Variants in RB1CC1 observed in about 807,000 individuals in gnomAD.
The protein encoded by RB1CC1 is RB1-inducible coiled-coil protein 1.
Under a neutral mutation model 177.5 loss-of-function variants are expected in RB1CC1, and 46 were observed. That is an observed-to-expected ratio of 0.26 (90% CI 0.20 to 0.33). The LOEUF is 0.33. Ranked by LOEUF, RB1CC1 falls within the 10% of genes least tolerant of loss-of-function variation. RB1CC1 has a pLI of 1.00. For missense variants in RB1CC1, 1,703 were observed against 1,816.3 expected (o/e 0.94, Z 1.13); for synonymous variants, 666 against 613.6 (o/e 1.09, Z -1.26).
At chr8:52,624,088 T>C (rs761584628) in intron 23 of RB1CC1, among the ~76,000 whole-genome samples, 1 of 151,870 alleles carries the variant, frequency 6.6e-6, no homozygotes, top group Non-Finnish European at 1.5e-5. Context: ...AGGGAATATA[T>C]TGAGTGAATA....
intron 15 of RB1CC1, among the ~76,000 whole-genome samples, chr8:52,647,787 C>T (rs1241358956): frequency 2.0e-5 from 3 of 152,080 alleles, no homozygotes; most frequent in Non-Finnish European, 4.4e-5. Flanking sequence ...CATATAAAGT[C>T]ATTGAAAGGT....
intron 6 of RB1CC1, among the ~76,000 whole-genome samples, 185 bp from the exon 7 acceptor site, chr8:52,674,459 T>C (rs1158600936): frequency 1.3e-5 from 2 of 152,162 alleles, no homozygotes; most frequent in South Asian, 2.1e-4. Flanking sequence ...AGAGAGGCTA[T>C]CGTTAACCCA....
intron 15 of RB1CC1, among the ~76,000 whole-genome samples, chr8:52,651,079 T>C (rs997514899): frequency 7.2e-5 from 11 of 152,206 alleles, no homozygotes; most frequent in African/African-American, 2.2e-4. Context: ...TTAATATATT[T>C]TGGCAGAAAA....
intron 15 of RB1CC1, among the ~76,000 whole-genome samples, chr8:52,654,476 T>C (rs1431391771): frequency 6.6e-6 from 1 of 152,222 alleles, no homozygotes. Context: ...GAACTATCCA[T>C]TTTGTGATGC....
intron 18 of RB1CC1, 58 bp downstream of exon 18, chr8:52,642,293 C>T: frequency 6.4e-7 from 1 of 1,568,128 alleles, no homozygotes; most frequent in Admixed American, 1.8e-5. Flanking sequence ...CTCTTCAGAG[C>T]TTTATAACTC....
chr8:52,702,260 T>C (rs540684222), intron 1 of RB1CC1, among the ~76,000 whole-genome samples: 2 of 152,368 alleles, frequency 1.3e-5, no homozygotes, highest in African/African-American at 4.8e-5. Context: ...GAATAAAATA[T>C]ACCTATTCAT....
At chr8:52,632,896 A>G (rs960267576) in intron 20 of RB1CC1, among the ~76,000 whole-genome samples, 2 of 152,204 alleles carry the variant, frequency 1.3e-5, no homozygotes, top group Non-Finnish European at 2.9e-5. Context: ...ACAAATGCGT[A>G]TATGATTGCT....
At chr8:52,681,607 G>A (rs1853724450) in intron 5 of RB1CC1, among the ~76,000 whole-genome samples, 2 of 152,078 alleles carry the variant, frequency 1.3e-5, no homozygotes, top group Non-Finnish European at 2.9e-5. Context: ...CTGAAAAGAG[G>A]GCAGGCATGG....
chr8:52,701,678 T>TC (rs1856075400), intron 1 of RB1CC1, among the ~76,000 whole-genome samples: 1 of 151,776 alleles, frequency 6.6e-6, no homozygotes, highest in African/African-American at 2.4e-5. Flanking sequence ...CAGGTGTGAC[T>TC]CACCATGCTC....
chr8:52,681,479 CT>C (rs1166211013), intron 5 of RB1CC1, among the ~76,000 whole-genome samples: 1 of 152,150 alleles, frequency 6.6e-6, no homozygotes, highest in Non-Finnish European at 1.5e-5. Context: ...GAAAATCTGA[CT>C]TTAGAGACCA....
chr8:52,704,020 T>A (rs1426017061), intron 1 of RB1CC1, among the ~76,000 whole-genome samples: 1 of 152,142 alleles, frequency 6.6e-6, no homozygotes, highest in Non-Finnish European at 1.5e-5. Context: ...AATTCTCTCC[T>A]TTGTATGCCA....
At position 52,661,085 on chromosome 8, in the gene RB1CC1, A is replaced by C. The variant is rs201339636; in HGVS notation, c.1545+10T>G. 1.2e-6 allele frequency: 2 copies of C among 1,611,750 alleles called. No individual in the cohort carries two copies. Among genetic ancestry groups the C allele is most frequent in the African/African-American group, 2.7e-5 (2 of 74,812 alleles). ...TCATATACAGTTAAAATAGAATTCA[A>C]CTTGCATACCTCCCTGTAGTGTTTT... On this transcript the variant is annotated intron_variant, in intron 10 of 23. Transcript: ENST00000025008.
At position 52,661,185 on chromosome 8, in the gene RB1CC1, A is replaced by G. The variant is rs988777425; in HGVS notation, c.1455T>C (p.Ile485=). 9 of 1,613,964 alleles carry G rather than the reference A, an allele frequency of 5.6e-6. No individual in the cohort carries two copies. The highest frequency in any genetic ancestry group is 7.6e-6 in the Non-Finnish European group (9 of 1,179,892). Residue 485 remains isoleucine, a synonymous_variant, in exon 10 of 24, where the codon ATT becomes ATC. Transcript: ENST00000025008. ...GAGGAACTGTACTAAGAGCTTCAACAATTTTGACTCTTTCTAACAGCTCTA... is the reference window on the plus strand; with the variant it reads ...GAGGAACTGTACTAAGAGCTTCAACGATTTTGACTCTTTCTAACAGCTCTA... The part of the protein sequence containing the change: ...LVIELLERVK[I]VEALSTVPQM...
At chr8:52,677,712 G>A (rs527262229) in intron 5 of RB1CC1, among the ~76,000 whole-genome samples, 3 of 152,164 alleles carry the variant, frequency 2.0e-5, no homozygotes, top group African/African-American at 7.2e-5. Context: ...GTCTTTATGG[G>A]GTAGGAATGT....
intron 1 of RB1CC1, among the ~76,000 whole-genome samples, chr8:52,709,318 A>C (rs1856859883): frequency 6.6e-6 from 1 of 152,244 alleles, no homozygotes; most frequent in African/African-American, 2.4e-5. Context: ...AGAACCAGAA[A>C]GTATCTCACA....
intron 1 of RB1CC1, among the ~76,000 whole-genome samples, chr8:52,707,236 C>T (rs532613444): frequency 6.6e-6 from 1 of 152,152 alleles, no homozygotes. Context: ...GATCTCTGTT[C>T]TGAGTTTAGA....
chr8:52,653,692 AT>A (rs1444842087), intron 15 of RB1CC1, among the ~76,000 whole-genome samples: 1 of 152,190 alleles, frequency 6.6e-6, no homozygotes, highest in Non-Finnish European at 1.5e-5. Context: ...CTTATCGGAA[AT>A]GCTTGGCAGC....
intron 22 of RB1CC1, among the ~76,000 whole-genome samples, chr8:52,626,242 C>G (rs77366320): frequency 0.029 from 4,451 of 152,188 alleles, 247 homozygotes; most frequent in African/African-American, 0.1. Flanking sequence ...AAAAAAGGAA[C>G]GGGGGTTTAT....
chr8:52,697,209 A>G (rs1855496514), intron 1 of RB1CC1, among the ~76,000 whole-genome samples: 1 of 152,080 alleles, frequency 6.6e-6, no homozygotes, highest in African/African-American at 2.4e-5. Flanking sequence ...GAGTATAAAG[A>G]AAAAGACAAA....
Sources: gnomAD v4.1 joint callset for allele counts (sites outside exome capture counted in the v4.1 genomes callset) on GRCh38, gnomAD v4.1.1 for gene constraint, MANE v1.5 for transcripts, NCBI Gene and HGNC (gene_info 2026-07-23, HGNC 2026-07-21) for gene names.